Variants in GNPTG observed in about 807,000 individuals in gnomAD.
The protein encoded by GNPTG is N-acetylglucosamine-1-phosphate transferase subunit gamma.
Under a neutral mutation model 43.8 loss-of-function variants are expected in GNPTG, and 46 were observed. The ratio of observed to expected loss-of-function variants is 1.05; its 90% CI spans 0.83 to 1.34. The LOEUF is 1.34. Among genes scored for constraint, GNPTG ranks in the 40% most tolerant of loss-of-function variants. GNPTG has a pLI of 0.00. For missense variants in GNPTG, 549 were observed against 411.3 expected (o/e 1.33, Z -2.90); for synonymous variants, 250 against 172.8 (o/e 1.45, Z -3.50).
At position 1,362,444 on chromosome 16, in the gene GNPTG, G is replaced by A. The variant is rs374454359; in HGVS notation, c.527-8G>A. ...TGCAGCTGAGCCTGGCTTCTCTTGGGTCCTCAGTGTACCCAACCCTGCCAG... is the reference window on the plus strand; with the variant it reads ...TGCAGCTGAGCCTGGCTTCTCTTGGATCCTCAGTGTACCCAACCCTGCCAG... On this transcript the variant is annotated splice_polypyrimidine_tract_variant and splice_region_variant and intron_variant, in intron 7 of 10. Transcript: ENST00000204679. 3.4e-5 allele frequency: 55 copies of A among 1,613,714 alleles called. No individual in the cohort carries two copies. The African/African-American group carries it at 5.9e-4, about 17-fold the overall frequency.
chr16:1,362,957 G>A (rs1009845667), intron 10 of GNPTG, 40 bp from the exon 11 acceptor site: 8 of 1,613,698 alleles, frequency 5.0e-6, no homozygotes, highest in Non-Finnish European at 6.8e-6. Context: ...CTCGCCACCT[G>A]TGGGTCCAGG....
Position 1,362,920 on chromosome 16 carries a change from G to T in GNPTG, c.823+14G>T, listed in dbSNP as rs373394818. 5.8e-5 allele frequency: 93 copies of T among 1,613,872 alleles called. No individual in the cohort carries two copies. The highest frequency in any genetic ancestry group is 6.6e-5 in the Non-Finnish European group (78 of 1,179,906). ...CGAGGCCCACAGGTGAGTCACCTGT[G>T]GGGAGAGGGCCAGGCTCACCATCAC... is the stretch of plus-strand genomic sequence containing the variant. On this transcript the variant is annotated intron_variant, in intron 10 of 10. Coordinates refer to ENST00000204679, the MANE Select transcript of GNPTG (RefSeq NM_032520.5).
In GNPTG at chr16:1,362,923, G is replaced by A. The variant is rs1471147216; in HGVS notation, c.823+17G>A. On this transcript the variant is annotated intron_variant, in intron 10 of 10. Coordinates refer to ENST00000204679, the MANE Select transcript of GNPTG (RefSeq NM_032520.5). ...GGCCCACAGGTGAGTCACCTGTGGGGAGAGGGCCAGGCTCACCATCACACT... is the reference window on the plus strand; with the variant it reads ...GGCCCACAGGTGAGTCACCTGTGGGAAGAGGGCCAGGCTCACCATCACACT... The A allele has an allele frequency of 2.5e-6, 4 of 1,613,938 alleles. No homozygotes were observed. The Admixed American group carries it at 5.0e-5, about 20-fold the overall frequency.
chr16:1,352,254 C>A lies in GNPTG; in HGVS notation c.126C>A (p.Phe42Leu), dbSNP rs375508895. 2 of 1,548,684 alleles carry A rather than the reference C, an allele frequency of 1.3e-6. No homozygotes were observed. Among genetic ancestry groups the A allele is most frequent in the Admixed American group, 3.9e-5 (2 of 51,014 alleles). Residue 42 changes from phenylalanine (F) to leucine (L), a missense_variant, in exon 3 of 11, where the codon TTC becomes TTA. Transcript: ENST00000204679. ...CTTCCCGTAGGGTGAACAACCCGTT[C>A]TTGCCTCAGGCCAGTCGCCTCCAGG... ...EPNAFGVNNPFLPQASRLQAK... is the reference protein window; with the variant it reads ...EPNAFGVNNPLLPQASRLQAK...
intron 3 of GNPTG, chr16:1,358,324 C>T (rs1157784188): frequency 6.6e-6 from 1 of 152,382 alleles, no homozygotes; most frequent in South Asian, 2.1e-4. Flanking sequence ...TCTGCTGTCT[C>T]TGAACTTGGC....
Position 1,356,821 on chromosome 16 carries a change from G to A in GNPTG, c.178+4515G>A, listed in dbSNP as rs1363814771. Among the ~76,000 whole-genome samples, 3 of 152,208 alleles carry A rather than the reference G, an allele frequency of 2.0e-5. No homozygotes were observed. The East Asian group carries it at 5.8e-4, about 29-fold the overall frequency. On this transcript the variant is annotated intron_variant, in intron 3 of 10. Coordinates refer to ENST00000204679, the MANE Select transcript of GNPTG (RefSeq NM_032520.5). The stretch of plus-strand genomic sequence containing the variant: ...CAAGCCTGGGAACGTGAGTTCCCAG[G>A]ACACAGGAGCTTGACCAGCCACCCT...
rs373976323 is a variant in GNPTG at position 1,362,824 on chromosome 16, G to T, written c.742-1G>T. 2.6e-5 allele frequency: 42 copies of T among 1,613,846 alleles called. No individual in the cohort carries two copies. Among genetic ancestry groups the T allele is most frequent in the Admixed American group, 1.7e-5 (1 of 59,994 alleles). On this transcript the variant is annotated splice_acceptor_variant, in intron 9 of 10. Coordinates refer to ENST00000204679, the MANE Select transcript of GNPTG (RefSeq NM_032520.5). LOFTEE classifies it high-confidence loss of function. ...CCTTGAACTCTTTTTGTGGTTGGTAGGCTCATAAAGAACTCTCAAAGGAGA... is the reference window on the plus strand; with the variant it reads ...CCTTGAACTCTTTTTGTGGTTGGTATGCTCATAAAGAACTCTCAAAGGAGA...
intron 2 of GNPTG, 39 bp downstream of exon 2, chr16:1,352,198 G>C: frequency 6.4e-7 from 1 of 1,552,800 alleles, no homozygotes; most frequent in South Asian, 1.2e-5. Flanking sequence ...AGCGGGGGAC[G>C]GCCCGGGCCC....
Position 1,363,027 on chromosome 16 carries a change from A to C in GNPTG, c.854A>C (p.Glu285Ala). The change falls in exon 11 of 11, where the codon GAG becomes GCG. Residue 285 changes from glutamate to alanine, a missense_variant. By Grantham distance (107) the Glu-to-Ala change is moderately radical. Coordinates refer to ENST00000204679, the MANE Select transcript of GNPTG (RefSeq NM_032520.5). ...TCCAACTTGGAGCACTTGGGCCACG[A>C]GACGCCCAGAGCCAAGTCTCCAGAG... Reference protein sequence around the residue: ...ETSNLEHLGHETPRAKSPEQL... With the variant: ...ETSNLEHLGHATPRAKSPEQL... 6.2e-7 allele frequency: 1 copy of C among 1,614,068 alleles called. No individual in the cohort carries two copies. Among genetic ancestry groups the C allele is most frequent in the Non-Finnish European group, 8.5e-7 (1 of 1,180,016 alleles).
At position 1,363,622 on chromosome 16, in the gene GNPTG, C is replaced by T. The variant is rs535736709; in HGVS notation, c.*531C>T. 5 of 195,198 alleles carry T rather than the reference C, an allele frequency of 2.6e-5. No individual in the cohort carries two copies. The highest frequency in any genetic ancestry group is 2.4e-4 in the South Asian group (3 of 12,658). The allele number at this position is 195,198 out of a possible 1,614,324, so 12.1% of individuals were successfully genotyped here. A position where few individuals can be genotyped will look rare whatever the true frequency, so the allele number is the denominator to read the frequency against. On this transcript the variant is annotated 3_prime_UTR_variant, in exon 11 of 11. Transcript: ENST00000204679. ...GGCCACAGGGGGGAGCTGCTGGGCGCGCCTCCACCTCAGCCTCCACGGGGC... is the reference window on the plus strand; with the variant it reads ...GGCCACAGGGGGGAGCTGCTGGGCGTGCCTCCACCTCAGCCTCCACGGGGC...
In GNPTG at chr16:1,362,833, A is replaced by G; in HGVS notation, c.750A>G (p.Lys250=). The change falls in exon 10 of 11, where the codon AAA becomes AAG. Residue 250 remains lysine (K), a synonymous_variant. Transcript: ENST00000204679. ...CTTTTTGTGGTTGGTAGGCTCATAA[A>G]GAACTCTCAAAGGAGATCAAAAGGC... The part of the protein sequence containing the change: ...ETLENCRKAH[K]ELSKEIKRLK... 6.2e-7 allele frequency: 1 copy of G among 1,613,996 alleles called. No homozygotes were observed. The highest frequency in any genetic ancestry group is 8.5e-7 in the Non-Finnish European group (1 of 1,180,004).
In GNPTG at chr16:1,355,875, G is replaced by C. The variant is rs946084410; in HGVS notation, c.178+3569G>C. Among the ~76,000 whole-genome samples the C allele has an allele frequency of 3.7e-4, 56 of 151,832 alleles. 1 individual carries two copies. The highest frequency in any genetic ancestry group is 4.7e-4 in the Non-Finnish European group (32 of 67,934). ...GGGGTCAGGCTGGGAGCTTGCTTTC[G>C]GCTGGGGCCGGGCTGGGTCTGCCAG... On this transcript the variant is annotated intron_variant, in intron 3 of 10. Coordinates refer to ENST00000204679, the MANE Select transcript of GNPTG (RefSeq NM_032520.5).
intron 3 of GNPTG, chr16:1,361,411 G>C (rs983250828): frequency 1.4e-5 from 5 of 355,306 alleles, no homozygotes; most frequent in South Asian, 9.2e-5. Flanking sequence ...TTGGGAGGCC[G>C]AGGTGGGTGG....
intron 3 of GNPTG, among the ~76,000 whole-genome samples, chr16:1,355,205 G>A (rs570291397): frequency 6.6e-6 from 1 of 152,194 alleles, no homozygotes; most frequent in Non-Finnish European, 1.5e-5. Flanking sequence ...GTGGGGTCGG[G>A]TGTGGATCCT....
rs2034695294 is a variant in GNPTG at position 1,352,112 on chromosome 16, G to A, written c.63G>A (p.Pro21=). ...LLGLSAGGPA[P]AGAAKMKVVE... is the part of the protein sequence containing the mutation. ...TCTCGCTCCCCGTAGGGCCCGCGCC[G>A]GCAGGTGCAGCGAAGATGAAGGTGG... Residue 21 remains proline, a synonymous_variant, in exon 2 of 11, where the codon CCG becomes CCA. Coordinates refer to ENST00000204679, the MANE Select transcript of GNPTG (RefSeq NM_032520.5). 1 of 1,576,994 alleles carries A rather than the reference G, an allele frequency of 6.3e-7. No homozygotes were observed. The highest frequency in any genetic ancestry group is 8.6e-7 in the Non-Finnish European group (1 of 1,163,124).
At chr16:1,354,096 T>G (rs2034730612) in intron 3 of GNPTG, among the ~76,000 whole-genome samples, 1 of 152,108 alleles carries the variant, frequency 6.6e-6, no homozygotes, top group Non-Finnish European at 1.5e-5. Context: ...CTCACTTCCC[T>G]GCGGCTCAGA....
At position 1,352,009 on chromosome 16, in the gene GNPTG, C is replaced by G. The variant is rs1224993914; in HGVS notation, c.44C>G (p.Ser15Trp). The change falls in exon 1 of 11, where the codon TCG becomes TGG. Residue 15 changes from serine to tryptophan, a missense_variant. Coordinates refer to ENST00000204679, the MANE Select transcript of GNPTG (RefSeq NM_032520.5). ...CGGCTCCTGTTGCTCCTCGGGCTCT[C>G]GGCCGGCGGTGAGTGGCCCGGCCGT... ...LARLLLLLGL[S>W]AGGPAPAGAA... 1 of 1,461,680 alleles carries G rather than the reference C, an allele frequency of 6.8e-7. No individual in the cohort carries two copies. The highest frequency in any genetic ancestry group is 1.5e-5 in the African/African-American group (1 of 67,554). 90.5% of individuals were successfully genotyped at this position (1,461,680 alleles called of 1,614,324 possible). A position where few individuals can be genotyped will look rare whatever the true frequency, so the allele number is the denominator to read the frequency against.
intron 3 of GNPTG, among the ~76,000 whole-genome samples, chr16:1,353,813 T>C (rs1290713611): frequency 6.6e-6 from 1 of 151,980 alleles, no homozygotes. Context: ...TGAGGAAAAG[T>C]CTAAGAAGTG....
Position 1,362,047 on chromosome 16 carries a change from C to G in GNPTG, c.327C>G (p.His109Gln), listed in dbSNP as rs141533972. The G allele has an allele frequency of 1.9e-6, 3 of 1,612,614 alleles. No individual in the cohort carries two copies. Among genetic ancestry groups the G allele is most frequent in the Admixed American group, 1.7e-5 (1 of 59,934 alleles). The change falls in exon 6 of 11, where the codon CAC becomes CAG. Residue 109 changes from histidine (H) to glutamine (Q), a missense_variant. His to Gln is a conservative substitution (Grantham distance 24). Coordinates refer to ENST00000204679, the MANE Select transcript of GNPTG (RefSeq NM_032520.5). Reference sequence around the variant, plus strand: ...GCCCGTGTCTCCCCAGCATCTGGCACGAGTGGGAGATCGCCAACAACACCT... The same window carrying G: ...GCCCGTGTCTCCCCAGCATCTGGCAGGAGTGGGAGATCGCCAACAACACCT... Reference protein sequence around the residue: ...NAYSGILGIWHEWEIANNTFT... With the variant: ...NAYSGILGIWQEWEIANNTFT...
Sources: allele counts gnomAD v4.1 joint callset (sites outside exome capture counted in the v4.1 genomes callset), GRCh38; gene constraint gnomAD v4.1.1; transcripts MANE v1.5; gene names NCBI Gene and HGNC (gene_info 2026-07-23, HGNC 2026-07-21).